The following NEK10 variants were observed in gnomAD, a reference collection of about 807,000 sequenced individuals.
NEK10 encodes the protein NIMA related kinase 10.
A neutral mutation model predicts 159.8 loss-of-function variants in NEK10; 122 were observed. The ratio of observed to expected loss-of-function variants is 0.76; its 90% CI spans 0.66 to 0.89. NEK10 has a LOEUF of 0.89. NEK10 is among the 40% of genes least tolerant of loss of function. NEK10 has a pLI of 0.00. For synonymous variants in NEK10, 466 were observed against 457.1 expected, an observed-to-expected ratio of 1.02 and a Z score of -0.25; for missense variants, 1,342 against 1,323.1, an observed-to-expected ratio of 1.01 and a Z score of -0.22.
intron 26 of NEK10, among the ~76,000 whole-genome samples, chr3:27,181,692 T>C (rs1404850147): frequency 6.6e-6 from 1 of 152,222 alleles, no homozygotes; most frequent in Admixed American, 6.5e-5. Context: ...TTTATTTTTG[T>C]TCATAGCACT....
intron 23 of NEK10, among the ~76,000 whole-genome samples, chr3:27,230,563 A>G (rs1257337416): frequency 1.3e-5 from 2 of 152,058 alleles, no homozygotes; most frequent in African/African-American, 4.8e-5. Flanking sequence ...TCCACTTAAA[A>G]AATACGGAAT....
chr3:27,195,308 G>C (rs1949468711), intron 25 of NEK10, among the ~76,000 whole-genome samples: 1 of 152,082 alleles, frequency 6.6e-6, no homozygotes, highest in South Asian at 2.1e-4. Context: ...CCCTTGCATT[G>C]TTGCTTTAAG....
intron 1 of NEK10, among the ~76,000 whole-genome samples, chr3:27,355,215 T>C (rs2048249967): frequency 1.3e-5 from 2 of 152,176 alleles, no homozygotes; most frequent in South Asian, 2.1e-4. Context: ...TATGATCTCA[T>C]GTCCTAGCAG....
chr3:27,365,235 A>T (rs1424687676), intron 1 of NEK10, among the ~76,000 whole-genome samples: 4 of 152,186 alleles, frequency 2.6e-5, no homozygotes, highest in African/African-American at 9.7e-5. Flanking sequence ...GCCCAAGGTC[A>T]GTGTTATGGC....
At chr3:27,247,820 CTT>C (rs111440414) in intron 23 of NEK10, among the ~76,000 whole-genome samples, 2 of 125,886 alleles carry the variant, frequency 1.6e-5, no homozygotes, top group Admixed American at 8.1e-5. Flanking sequence ...CTTTTCTTTT[CTT>C]TTTTTTTTTT....
intron 22 of NEK10, among the ~76,000 whole-genome samples, chr3:27,272,854 GAAGACT>G (rs1316362270): frequency 7.9e-5 from 12 of 152,158 alleles, no homozygotes; most frequent in Non-Finnish European, 1.6e-4. Context: ...GATCATTAAA[GAAGACT>G]GACCTTCAAC....
chr3:27,194,972 C>G (rs1358022672), intron 25 of NEK10, among the ~76,000 whole-genome samples: 1 of 152,128 alleles, frequency 6.6e-6, no homozygotes, highest in South Asian at 2.1e-4. Flanking sequence ...ATTTGAAGGC[C>G]TGCTAGGAAA....
chr3:27,160,952 A>G (rs1439151815), intron 30 of NEK10, among the ~76,000 whole-genome samples: 1 of 152,198 alleles, frequency 6.6e-6, no homozygotes, highest in African/African-American at 2.4e-5. Context: ...AGTTTTAACA[A>G]TATATGAATC....
rs1939109437 is a variant in NEK10 at position 27,107,396 on chromosome 3, T to C, written c.*3876A>G. Among the ~76,000 whole-genome samples the C allele has an allele frequency of 2.6e-5, 4 of 152,282 alleles. No individual in the cohort carries two copies. In the South Asian group the frequency reaches 8.3e-4, roughly 32 times the overall value. ...TAAGAATTCCTTTATCACAAAGCTG[T>C]TTCCCTGAGAAATTTGTGTCTTCCT... On this transcript the variant is annotated 3_prime_UTR_variant, in exon 36 of 36. Transcript: ENST00000691995.
chr3:27,291,955 T>G (rs1363200523), intron 16 of NEK10, among the ~76,000 whole-genome samples: 1 of 152,162 alleles, frequency 6.6e-6, no homozygotes, highest in African/African-American at 2.4e-5. Context: ...TACTTCCCTT[T>G]TGAATGCAGC....
chr3:27,299,540 T>A (rs2043632163), intron 13 of NEK10, among the ~76,000 whole-genome samples: 1 of 152,068 alleles, frequency 6.6e-6, no homozygotes, highest in Non-Finnish European at 1.5e-5. Context: ...TACTGCCTAG[T>A]GGAGCTGTAA....
At chr3:27,283,671 A>G (rs1329154612) in intron 22 of NEK10, among the ~76,000 whole-genome samples, 1 of 152,226 alleles carries the variant, frequency 6.6e-6, no homozygotes, top group Non-Finnish European at 1.5e-5. Flanking sequence ...TTAAGTTATG[A>G]GTAAGAATTC....
chr3:27,280,903 T>C (rs1396599522), intron 22 of NEK10, among the ~76,000 whole-genome samples: 2 of 139,096 alleles, frequency 1.4e-5, no homozygotes, highest in Non-Finnish European at 3.1e-5. Flanking sequence ...TGTGTGTATA[T>C]GTACATATGG....
intron 23 of NEK10, chr3:27,255,225 A>G: frequency 2.7e-6 from 1 of 364,484 alleles, no homozygotes; most frequent in Non-Finnish European, 5.5e-6. Flanking sequence ...TTAAGAGGAT[A>G]AGTAGACATC....
At chr3:27,317,273 C>G (rs911343972) in intron 6 of NEK10, among the ~76,000 whole-genome samples, 2 of 152,164 alleles carry the variant, frequency 1.3e-5, no homozygotes, top group African/African-American at 4.8e-5. Context: ...ACCATGACTA[C>G]AAGGTATGTA....
chr3:27,214,832 T>C, intron 23 of NEK10: 4 of 1,196,952 alleles, frequency 3.3e-6, no homozygotes, highest in Middle Eastern at 2.8e-4. Context: ...GTAGAAGATA[T>C]GGAGCCTGGA....
At chr3:27,301,859 A>G in intron 12 of NEK10, 24 bp from the exon 13 acceptor site, 2 of 1,536,894 alleles carry the variant, frequency 1.3e-6, no homozygotes, top group Non-Finnish European at 1.8e-6. Flanking sequence ...GTTAATGCAT[A>G]GACCATTTAT....
chr3:27,111,173 C>T lies in NEK10; in HGVS notation c.*99G>A. ...ATGGCATCTTGGTCTTTTCCACACC[C>T]TCTAGCAGCACCCAATCCTTGGGCA... On this transcript the variant is annotated 3_prime_UTR_variant, in exon 36 of 36. Transcript: ENST00000691995. The T allele has an allele frequency of 8.4e-7, 1 of 1,185,784 alleles. No homozygotes were observed. The highest frequency in any genetic ancestry group is 1.2e-6 in the Non-Finnish European group (1 of 806,742). The allele number at this position is 1,185,784 out of a possible 1,614,324, so 73.5% of individuals were successfully genotyped here.
chr3:27,136,258 G>A (rs944494232), intron 31 of NEK10, among the ~76,000 whole-genome samples: 7 of 151,472 alleles, frequency 4.6e-5, no homozygotes, highest in African/African-American at 7.3e-5. Flanking sequence ...GACTACAGGC[G>A]CCCACCACCA....
Sources: allele counts gnomAD v4.1 joint callset (sites outside exome capture counted in the v4.1 genomes callset), GRCh38; gene constraint gnomAD v4.1.1; transcripts MANE v1.5; gene names NCBI Gene and HGNC (gene_info 2026-07-23, HGNC 2026-07-21).